Variants in KCNB2 observed in about 807,000 individuals in gnomAD.
The protein encoded by KCNB2 is delayed rectifier potassium channel protein.
Under a neutral mutation model 61.5 loss-of-function variants are expected in KCNB2, and 15 were observed. That is an observed-to-expected ratio of 0.24 (90% CI 0.16 to 0.38). The LOEUF is 0.38. Among genes scored for constraint, KCNB2 ranks in the 10% least tolerant of loss-of-function variants. KCNB2 has a pLI of 1.00. For synonymous variants in KCNB2, 457 were observed against 446.0 expected, an observed-to-expected ratio of 1.02 and a Z score of -0.31; for missense variants, 828 against 1,125.2, an observed-to-expected ratio of 0.74 and a Z score of 3.78.
At chr8:72,829,889 C>T (rs1434709462) in intron 2 of KCNB2, among the ~76,000 whole-genome samples, 1 of 138,558 alleles carries the variant, frequency 7.2e-6, no homozygotes, top group African/African-American at 2.7e-5. Flanking sequence ...TACTGGGAGA[C>T]AAAGTGAAAA....
intron 2 of KCNB2, among the ~76,000 whole-genome samples, chr8:72,626,965 TG>T (rs763776027): frequency 6.6e-6 from 1 of 152,236 alleles, no homozygotes; most frequent in Non-Finnish European, 1.5e-5. Flanking sequence ...CCAGGCTAAC[TG>T]GGGGCTCTAA....
At chr8:72,721,890 C>T (rs926643261) in intron 2 of KCNB2, among the ~76,000 whole-genome samples, 6 of 152,160 alleles carry the variant, frequency 3.9e-5, no homozygotes, top group South Asian at 2.1e-4. Flanking sequence ...AATATACAGC[C>T]GCCAACTGGA....
At chr8:72,623,362 G>T (rs1388132453) in intron 2 of KCNB2, among the ~76,000 whole-genome samples, 1 of 152,146 alleles carries the variant, frequency 6.6e-6, no homozygotes, top group Non-Finnish European at 1.5e-5. Context: ...TGAAGGGGAG[G>T]GTTGGAGACG....
At chr8:72,716,836 T>C (rs1415231962) in intron 2 of KCNB2, among the ~76,000 whole-genome samples, 1 of 152,042 alleles carries the variant, frequency 6.6e-6, no homozygotes, top group East Asian at 1.9e-4. Context: ...GAGAAGGAAA[T>C]AAAGGGCATT....
At chr8:72,826,075 T>C (rs1040900189) in intron 2 of KCNB2, among the ~76,000 whole-genome samples, 3 of 152,244 alleles carry the variant, frequency 2.0e-5, no homozygotes, top group African/African-American at 7.2e-5. Flanking sequence ...TTATAAATGG[T>C]ATAACGTATC....
chr8:72,561,737 A>ATTTG (rs1806527005), intron 1 of KCNB2, among the ~76,000 whole-genome samples: 2 of 28,778 alleles, frequency 6.9e-5, no homozygotes, highest in African/African-American at 4.8e-4. Flanking sequence ...ATCTATATCT[A>ATTTG]TATATATATG....
intron 2 of KCNB2, among the ~76,000 whole-genome samples, chr8:72,610,865 G>A (rs1805526469): frequency 6.6e-6 from 1 of 152,160 alleles, no homozygotes; most frequent in South Asian, 2.1e-4. Context: ...TTATCTCACT[G>A]AAGGGGTAAC....
At chr8:72,864,551 G>A (rs2129004274) in intron 2 of KCNB2, among the ~76,000 whole-genome samples, 1 of 152,294 alleles carries the variant, frequency 6.6e-6, no homozygotes, top group Admixed American at 6.5e-5. Flanking sequence ...AACCTACAGT[G>A]TACATGTGTC....
At chr8:72,657,312 A>G (rs1290488586) in intron 2 of KCNB2, among the ~76,000 whole-genome samples, 4 of 152,292 alleles carry the variant, frequency 2.6e-5, no homozygotes, top group Admixed American at 2.6e-4. Flanking sequence ...AAATTCTTAG[A>G]AAAGAAGCCA....
At chr8:72,926,108 G>A (rs1417232839) in intron 2 of KCNB2, among the ~76,000 whole-genome samples, 1 of 152,158 alleles carries the variant, frequency 6.6e-6, no homozygotes, top group Non-Finnish European at 1.5e-5. Context: ...CTGGGGGTTG[G>A]GGGAGGGAGA....
rs565443160 is a variant in KCNB2, at chr8:72,935,710, G to T, written c.580-225G>T. Among the ~76,000 whole-genome samples, 3 of 152,242 alleles carry T rather than the reference G, an allele frequency of 2.0e-5. No homozygotes were observed. The South Asian group carries it at 6.2e-4, about 32-fold the overall frequency. ...GTTGGATGCCCATACATGTTCCTAAGAACAATGAGTGCGGAAGGGGGGAAT... is the reference window on the plus strand; with the variant it reads ...GTTGGATGCCCATACATGTTCCTAATAACAATGAGTGCGGAAGGGGGGAAT... On this transcript the variant is annotated intron_variant, in intron 2 of 2. Transcript: ENST00000523207.
At chr8:72,732,676 T>A (rs1026103544) in intron 2 of KCNB2, among the ~76,000 whole-genome samples, 2 of 151,966 alleles carry the variant, frequency 1.3e-5, no homozygotes, top group Non-Finnish European at 2.9e-5. Flanking sequence ...GGGAAAGGAG[T>A]AGGTTGCATA....
chr8:72,825,897 T>C (rs1292114238), intron 2 of KCNB2, among the ~76,000 whole-genome samples: 4 of 152,210 alleles, frequency 2.6e-5, no homozygotes, highest in African/African-American at 4.8e-5. Context: ...CTTTTAATTT[T>C]GATATAGTCC....
intron 2 of KCNB2, among the ~76,000 whole-genome samples, chr8:72,712,796 G>T (rs1244803346): frequency 6.6e-6 from 1 of 152,180 alleles, no homozygotes; most frequent in Admixed American, 6.5e-5. Flanking sequence ...TCTCACTGAG[G>T]AGTGCTGGGC....
intron 2 of KCNB2, among the ~76,000 whole-genome samples, chr8:72,803,672 T>C (rs917827805): frequency 1.3e-5 from 2 of 152,178 alleles, no homozygotes; most frequent in South Asian, 4.1e-4. Context: ...GAAAGTGACA[T>C]AAGAATTTAG....
At chr8:72,608,996 G>A (rs1422425932) in intron 2 of KCNB2, among the ~76,000 whole-genome samples, 1 of 152,154 alleles carries the variant, frequency 6.6e-6, no homozygotes, top group Non-Finnish European at 1.5e-5. Context: ...AATTTTCTAT[G>A]ATGAAGTATA....
At chr8:72,868,331 G>T (rs938542210) in intron 2 of KCNB2, among the ~76,000 whole-genome samples, 7 of 151,730 alleles carry the variant, frequency 4.6e-5, no homozygotes, top group Non-Finnish European at 1.0e-4. Context: ...TGTAATCCCA[G>T]CACTTTGGGA....
At chr8:72,672,763 C>G (rs1806586126) in intron 2 of KCNB2, among the ~76,000 whole-genome samples, 1 of 152,066 alleles carries the variant, frequency 6.6e-6, no homozygotes, top group Non-Finnish European at 1.5e-5. Flanking sequence ...ATCTTCCTGA[C>G]TCCTAGATAA....
At position 72,938,339 on chromosome 8, in the gene KCNB2, T is replaced by C. The variant is rs920524652; in HGVS notation, c.*248T>C. The C allele has an allele frequency of 2.0e-5, 8 of 404,180 alleles. No homozygotes were observed. Among genetic ancestry groups the C allele is most frequent in the Non-Finnish European group, 3.1e-5 (7 of 226,942 alleles). 25.0% of individuals were successfully genotyped at this position (404,180 alleles called of 1,614,324 possible). ...CAGTGAACAAATAAAAAGAGCTCTA[T>C]TAGGAACCAATATTCTGCAATGTCT... On this transcript the variant is annotated 3_prime_UTR_variant, in exon 3 of 3. Coordinates refer to ENST00000523207, the MANE Select transcript of KCNB2 (RefSeq NM_004770.3).
Sources: allele counts gnomAD v4.1 joint callset (sites outside exome capture counted in the v4.1 genomes callset), GRCh38; gene constraint gnomAD v4.1.1; transcripts MANE v1.5; gene names NCBI Gene and HGNC (gene_info 2026-07-23, HGNC 2026-07-21).